LRRTM4: variants seen among roughly 807,000 people sequenced by gnomAD.
The protein encoded by LRRTM4 is leucine-rich repeat transmembrane neuronal protein 4.
A neutral mutation model predicts 47.6 loss-of-function variants in LRRTM4; 25 were observed. The ratio of observed to expected loss-of-function variants is 0.53; its 90% CI spans 0.38 to 0.73. The LOEUF is 0.73. Among genes scored for constraint, LRRTM4 ranks in the 30% least tolerant of loss-of-function variants. LRRTM4 has a pLI of 0.00. For missense variants in LRRTM4, 638 were observed against 713.4 expected (o/e 0.89, Z 1.20); for synonymous variants, 311 against 269.5 (o/e 1.15, Z -1.51).
chr2:77,463,720 T>C lies in LRRTM4; in HGVS notation c.1551+54598A>G, dbSNP rs185579984. On this transcript the variant is annotated intron_variant, in intron 3 of 3. Coordinates refer to ENST00000409884, the MANE Select transcript of LRRTM4 (RefSeq NM_001134745.3). ...CAACCCCCTTTTTACAAGTAGAATA[T>C]GAGTAATGAAAGTGATGTACATATT... Among the ~76,000 whole-genome samples the C allele has an allele frequency of 4.6e-5, 7 of 152,214 alleles. No individual in the cohort carries two copies. The East Asian group carries it at 1.4e-3, about 29-fold the overall frequency.
intron 3 of LRRTM4, among the ~76,000 whole-genome samples, chr2:77,175,124 C>G (rs759928614): frequency 4.8e-5 from 7 of 146,852 alleles, no homozygotes; most frequent in Non-Finnish European, 8.9e-5. Flanking sequence ...GGCTGGAGTA[C>G]AGTGACCCTA....
intron 3 of LRRTM4, among the ~76,000 whole-genome samples, chr2:77,225,935 GC>G (rs955446252): frequency 6.6e-6 from 1 of 151,634 alleles, no homozygotes; most frequent in Non-Finnish European, 1.5e-5. Flanking sequence ...TAGTTAAGTA[GC>G]TATTATATTT....
chr2:77,368,996 C>G (rs1672558522), intron 3 of LRRTM4, among the ~76,000 whole-genome samples: 2 of 151,736 alleles, frequency 1.3e-5, no homozygotes, highest in South Asian at 4.1e-4. Flanking sequence ...CACACCCTCA[C>G]CAACACATTA....
At chr2:77,430,826 T>C (rs1475684787) in intron 3 of LRRTM4, among the ~76,000 whole-genome samples, 1 of 147,954 alleles carries the variant, frequency 6.8e-6, no homozygotes, top group Non-Finnish European at 1.5e-5. Flanking sequence ...CCAGAAGATA[T>C]TGTCATGTAA....
At chr2:77,129,866 A>C (rs941106304) in intron 3 of LRRTM4, among the ~76,000 whole-genome samples, 13 of 152,194 alleles carry the variant, frequency 8.5e-5, no homozygotes, top group Admixed American at 2.6e-4. Context: ...TATAGCACAT[A>C]ACTGTAATGT....
At chr2:76,868,944 T>G in intron 3 of LRRTM4, among the ~76,000 whole-genome samples, 1 of 152,274 alleles carries the variant, frequency 6.6e-6, no homozygotes, top group Non-Finnish European at 1.5e-5. Flanking sequence ...GGAATTTACT[T>G]AACACGATAG....
At chr2:77,418,943 G>A (rs1364310604) in intron 3 of LRRTM4, among the ~76,000 whole-genome samples, 1 of 152,014 alleles carries the variant, frequency 6.6e-6, no homozygotes, top group East Asian at 1.9e-4. Context: ...GACTTTCAAG[G>A]TGGTCCTAGG....
chr2:77,327,646 T>A (rs1327779806), intron 3 of LRRTM4, among the ~76,000 whole-genome samples: 1 of 152,186 alleles, frequency 6.6e-6, no homozygotes, highest in African/African-American at 2.4e-5. Flanking sequence ...ACTGATGTTA[T>A]TTGTTGCCTT....
chr2:77,378,739 G>A (rs193014980), intron 3 of LRRTM4, among the ~76,000 whole-genome samples: 2 of 152,214 alleles, frequency 1.3e-5, no homozygotes, highest in African/African-American at 4.8e-5. Context: ...GGCTAGATAT[G>A]TAAGAACAGG....
chr2:77,521,040 CT>C (rs1039617242), intron 2 of LRRTM4, among the ~76,000 whole-genome samples: 6 of 151,540 alleles, frequency 4.0e-5, no homozygotes, highest in African/African-American at 9.7e-5. Flanking sequence ...TTAAGTTTTT[CT>C]TTTTTTTCTT....
intron 3 of LRRTM4, among the ~76,000 whole-genome samples, chr2:77,151,627 G>A (rs1672433619): frequency 6.6e-6 from 1 of 152,166 alleles, no homozygotes; most frequent in Non-Finnish European, 1.5e-5. Flanking sequence ...GTTTGCGACA[G>A]CATGGATGAA....
At chr2:77,103,590 A>G (rs1481833877) in intron 3 of LRRTM4, among the ~76,000 whole-genome samples, 1 of 150,598 alleles carries the variant, frequency 6.6e-6, no homozygotes. Context: ...CTAAAATTGC[A>G]TGTTGTTTTT....
chr2:77,501,718 A>C (rs1230904180), intron 3 of LRRTM4, among the ~76,000 whole-genome samples: 1 of 151,318 alleles, frequency 6.6e-6, no homozygotes, highest in Non-Finnish European at 1.5e-5. Flanking sequence ...GCTCTGAACG[A>C]TTTGCAATGT....
chr2:77,512,852 T>C (rs531137678), intron 3 of LRRTM4, among the ~76,000 whole-genome samples: 1 of 152,228 alleles, frequency 6.6e-6, no homozygotes, highest in South Asian at 2.1e-4. Context: ...CAATCATTTA[T>C]GAAAACCTTG....
chr2:77,113,408 C>T (rs563718129), intron 3 of LRRTM4, among the ~76,000 whole-genome samples: 3 of 152,218 alleles, frequency 2.0e-5, no homozygotes, highest in East Asian at 3.9e-4. Context: ...TAAGATTGAG[C>T]GGCGCATAGC....
At chr2:77,018,772 TAA>T (rs1491009119) in intron 3 of LRRTM4, among the ~76,000 whole-genome samples, 1 of 151,702 alleles carries the variant, frequency 6.6e-6, no homozygotes, top group Non-Finnish European at 1.5e-5. Flanking sequence ...TTAAGAAGTT[TAA>T]GTTCTTTGAT....
chr2:77,164,454 C>T (rs1573026990), intron 3 of LRRTM4, among the ~76,000 whole-genome samples: 5 of 152,174 alleles, frequency 3.3e-5, no homozygotes, highest in Admixed American at 3.3e-4. Context: ...CTGCACCAAG[C>T]AGACCTAATA....
At chr2:77,127,707 C>T (rs1403804831) in intron 3 of LRRTM4, among the ~76,000 whole-genome samples, 1 of 152,068 alleles carries the variant, frequency 6.6e-6, no homozygotes, top group African/African-American at 2.4e-5. Context: ...AACAAGTCTC[C>T]TGAAAAAAAC....
At chr2:77,279,656 T>C (rs13385476) in intron 3 of LRRTM4, among the ~76,000 whole-genome samples, 17,420 of 151,886 alleles carry the variant, frequency 0.11, 1,985 homozygotes, top group African/African-American at 0.29. Context: ...TCAGTCTATT[T>C]TTAAATTGCT....
Sources: allele counts gnomAD v4.1 joint callset (sites outside exome capture counted in the v4.1 genomes callset), GRCh38; gene constraint gnomAD v4.1.1; transcripts MANE v1.5; gene names NCBI Gene and HGNC (gene_info 2026-07-23, HGNC 2026-07-21).